Variants in SNPH observed in about 807,000 individuals in gnomAD.
The protein encoded by SNPH is syntaphilin.
Under a neutral mutation model 36.8 loss-of-function variants are expected in SNPH, and 10 were observed. That is an observed-to-expected ratio of 0.27 (90% CI 0.17 to 0.46). The LOEUF (loss-of-function observed/expected upper bound fraction) is 0.46, where lower values mean the gene tolerates loss of function less well. Among genes scored for constraint, SNPH ranks in the 20% least tolerant of loss-of-function variants. The pLI is 1.00. For missense variants in SNPH, 622 were observed against 744.0 expected (o/e 0.84, Z 1.91); for synonymous variants, 281 against 312.2 (o/e 0.90, Z 1.05).
At chr20:1,269,942 A>G (rs1568536380) in intron 2 of SNPH, among the ~76,000 whole-genome samples, 1 of 152,250 alleles carries the variant, frequency 6.6e-6, no homozygotes, top group East Asian at 1.9e-4. Flanking sequence ...CCAGAGTCGT[A>G]CAACCAGTGT....
At position 1,306,177 on chromosome 20, in the gene SNPH, T is replaced by C; in HGVS notation, c.*123T>C. ...AGTTTTGGGTGTGGAACTGTTTCTT[T>C]TTTTCAAGATGTTAAAACAGTCCCG... On this transcript the variant is annotated 3_prime_UTR_variant, in exon 7 of 7. Transcript: ENST00000381867. 1.2e-6 allele frequency: 1 copy of C among 862,828 alleles called. No individual in the cohort carries two copies. Among genetic ancestry groups the C allele is most frequent in the Non-Finnish European group, 1.6e-6 (1 of 614,238 alleles). The allele number at this position is 862,828 out of a possible 1,614,324, so 53.4% of individuals were successfully genotyped here. A position where few individuals can be genotyped will look rare whatever the true frequency, so the allele number is the denominator to read the frequency against.
intron 2 of SNPH, among the ~76,000 whole-genome samples, chr20:1,267,031 C>T (rs1204036785): frequency 6.6e-6 from 1 of 152,018 alleles, no homozygotes; most frequent in African/African-American, 2.4e-5. Flanking sequence ...AGGGAACCCA[C>T]CCCCCAATTT....
intron 2 of SNPH, among the ~76,000 whole-genome samples, chr20:1,289,815 G>A (rs1014481196): frequency 1.3e-5 from 2 of 151,944 alleles, no homozygotes; most frequent in Admixed American, 1.3e-4. Flanking sequence ...AGGTGACAGA[G>A]TAAGACCCTG....
At chr20:1,283,938 A>G (rs184874158) in intron 2 of SNPH, among the ~76,000 whole-genome samples, 6 of 152,156 alleles carry the variant, frequency 3.9e-5, no homozygotes, top group Admixed American at 6.5e-5. Context: ...TAGAAATCCT[A>G]TCCCAGCTGT....
intron 5 of SNPH, among the ~76,000 whole-genome samples, chr20:1,298,801 A>G (rs2088469754): frequency 1.3e-5 from 1 of 77,246 alleles, no homozygotes. Context: ...TTTTTTTTCT[A>G]ATTTGTGTGT....
At chr20:1,279,076 G>A (rs1366788084) in intron 2 of SNPH, among the ~76,000 whole-genome samples, 4 of 152,134 alleles carry the variant, frequency 2.6e-5, no homozygotes, top group African/African-American at 4.8e-5. Context: ...ATTTTCTTGG[G>A]TAAGTTCCTA....
At position 1,289,687 on chromosome 20, in the gene SNPH, G is replaced by A. The variant is rs188181087; in HGVS notation, c.-492-5264G>A. On this transcript the variant is annotated intron_variant, in intron 2 of 6. Coordinates refer to ENST00000381867, the MANE Select transcript of SNPH (RefSeq NM_001318234.2). ...TAGTGAGACCCCACCTTTAAAAAAA[G>A]TAAAAAATAGATTAGCCAGGTGAGG... 5.3e-5 allele frequency among the ~76,000 whole-genome samples: 8 copies of A among 151,162 alleles called. No individual in the cohort carries two copies. The East Asian group carries it at 1.6e-3, about 30-fold the overall frequency.
chr20:1,286,353 C>A (rs1568543575), intron 2 of SNPH, among the ~76,000 whole-genome samples: 1 of 152,086 alleles, frequency 6.6e-6, no homozygotes. Flanking sequence ...TGGGAAGTAC[C>A]ACGGGGAATC....
chr20:1,303,607 TG>T (rs144865645), intron 6 of SNPH, among the ~76,000 whole-genome samples: 7,236 of 152,258 alleles, frequency 0.048, 219 homozygotes, highest in Middle Eastern at 0.12. Context: ...TCCTGATGGG[TG>T]GATGGGCCCC....
At position 1,304,816 on chromosome 20, in the gene SNPH, C is replaced by T. The variant is rs1255071928; in HGVS notation, c.441-62C>T. 1 of 1,520,654 alleles carries T rather than the reference C, an allele frequency of 6.6e-7. No homozygotes were observed. The highest frequency in any genetic ancestry group is 1.7e-5 in the Admixed American group (1 of 58,124). The allele number at this position is 1,520,654 out of a possible 1,614,324, so 94.2% of individuals were successfully genotyped here. ...GCAACAGTGTCCTCTCCCTGCCTCT[C>T]CTTGGCGGTGACAGACCAGGCAGGC... On this transcript the variant is annotated intron_variant, in intron 6 of 6. Transcript: ENST00000381867. The surrounding 1 kb of genome is among the most constrained non-coding windows in gnomAD (Gnocchi z 4.3).
At chr20:1,269,327 C>T (rs2088045502) in intron 2 of SNPH, among the ~76,000 whole-genome samples, 1 of 152,200 alleles carries the variant, frequency 6.6e-6, no homozygotes, top group African/African-American at 2.4e-5. Flanking sequence ...TATGATTACC[C>T]TCAACGTCAT....
chr20:1,292,965 A>C (rs930238860), intron 2 of SNPH, among the ~76,000 whole-genome samples: 2 of 152,220 alleles, frequency 1.3e-5, no homozygotes, highest in African/African-American at 4.8e-5. Flanking sequence ...TTACTTCCAA[A>C]ATACTGGCTG....
At chr20:1,279,180 C>T (rs528975844) in intron 2 of SNPH, among the ~76,000 whole-genome samples, 6 of 152,310 alleles carry the variant, frequency 3.9e-5, no homozygotes, top group African/African-American at 1.4e-4. Flanking sequence ...CATTTCTACT[C>T]GCGGCATTAT....
chr20:1,296,013 A>C lies in SNPH; in HGVS notation c.-227A>C, dbSNP rs1372572724. The stretch of plus-strand genomic sequence containing the variant: ...CGGCAGTCAGGAGGCCCTGCTCCTG[A>C]AGCCTCTGTGACCTTGGGCACGGCC... On this transcript the variant is annotated 5_prime_UTR_variant, in exon 4 of 7. Transcript: ENST00000381867. 4 of 479,888 alleles carry C rather than the reference A, an allele frequency of 8.3e-6. No homozygotes were observed. Among genetic ancestry groups the C allele is most frequent in the Non-Finnish European group, 1.4e-5 (4 of 277,422 alleles). 29.7% of individuals were successfully genotyped at this position (479,888 alleles called of 1,614,324 possible). A position where few individuals can be genotyped will look rare whatever the true frequency, so the allele number is the denominator to read the frequency against.
chr20:1,297,082 C>T (rs1024670133), intron 4 of SNPH, 63 bp from the exon 5 acceptor site: 51 of 1,540,160 alleles, frequency 3.3e-5, no homozygotes, highest in East Asian at 9.6e-5. Flanking sequence ...TGGCAGTGTT[C>T]GCCCAGTGTC....
chr20:1,268,068 T>G (rs2088029344), intron 2 of SNPH, among the ~76,000 whole-genome samples: 1 of 152,206 alleles, frequency 6.6e-6, no homozygotes, highest in Non-Finnish European at 1.5e-5. Flanking sequence ...CCCCATCCCC[T>G]GCCTGTCTCT....
At chr20:1,291,049 C>T (rs944169311) in intron 2 of SNPH, among the ~76,000 whole-genome samples, 43 of 152,346 alleles carry the variant, frequency 2.8e-4, no homozygotes, top group African/African-American at 1.0e-3. Context: ...GCCCAAGCCA[C>T]CCCTCCCAGT....
chr20:1,271,295 C>A (rs1220616468), intron 2 of SNPH, among the ~76,000 whole-genome samples: 1 of 152,178 alleles, frequency 6.6e-6, no homozygotes, highest in South Asian at 2.1e-4. Flanking sequence ...ATCTAAGAGC[C>A]CTTCTAGCTC....
rs2088544373 is a variant in SNPH, at chr20:1,304,693, C to G, written c.441-185C>G. Among the ~76,000 whole-genome samples the G allele has an allele frequency of 6.6e-6, 1 of 152,100 alleles. No individual in the cohort carries two copies. Among genetic ancestry groups the G allele is most frequent in the African/African-American group, 2.4e-5 (1 of 41,406 alleles). On this transcript the variant is annotated intron_variant, in intron 6 of 6. Coordinates refer to ENST00000381867, the MANE Select transcript of SNPH (RefSeq NM_001318234.2). The surrounding 1 kb of genome is among the most constrained non-coding windows in gnomAD (Gnocchi z 4.3). Reference sequence around the variant, plus strand: ...CCTGTCTTCACCCCTCAGCCCCTCTCCCCAGCCACTCTCACTCCCCACTAT... The same window carrying G: ...CCTGTCTTCACCCCTCAGCCCCTCTGCCCAGCCACTCTCACTCCCCACTAT...
Sources: gnomAD v4.1 joint callset for allele counts (sites outside exome capture counted in the v4.1 genomes callset) on GRCh38, gnomAD v4.1.1 for gene constraint, Gnocchi (gnomAD v3.1) non-coding constraint, MANE v1.5 for transcripts, NCBI Gene and HGNC (gene_info 2026-07-23, HGNC 2026-07-21) for gene names.